LINGO1: variants seen among roughly 807,000 people sequenced by gnomAD.
LINGO1 encodes leucine-rich repeat and immunoglobulin-like domain-containing nogo receptor-interacting protein 1.
A neutral mutation model predicts 37.3 loss-of-function variants in LINGO1; 11 were observed. The ratio of observed to expected loss-of-function variants is 0.29; its 90% CI spans 0.19 to 0.49. LINGO1 has a LOEUF of 0.49. Among genes scored for constraint, LINGO1 ranks in the 20% least tolerant of loss-of-function variants. LINGO1 has a pLI of 0.99. For missense variants in LINGO1, 585 were observed against 878.2 expected, an observed-to-expected ratio of 0.67 and a Z score of 4.22; for synonymous variants, 387 against 403.0, an observed-to-expected ratio of 0.96 and a Z score of 0.48.
At chr15:77,747,732 C>G (rs1289424514) in intron 1 of LINGO1, among the ~76,000 whole-genome samples, 4 of 152,370 alleles carry the variant, frequency 2.6e-5, no homozygotes, top group African/African-American at 9.6e-5. Flanking sequence ...CAGAATCTCC[C>G]CACGGCTGTC....
chr15:77,739,984 G>A (rs569629132), intron 1 of LINGO1, among the ~76,000 whole-genome samples: 5 of 152,372 alleles, frequency 3.3e-5, no homozygotes, highest in African/African-American at 1.2e-4. Context: ...CCTGTGCCAG[G>A]CACTGAGCTG....
intron 1 of LINGO1, among the ~76,000 whole-genome samples, chr15:77,780,437 T>C (rs2076704522): frequency 6.6e-6 from 1 of 151,586 alleles, no homozygotes; most frequent in Admixed American, 6.6e-5. Flanking sequence ...AGTGCAGCCT[T>C]ATCTGGGAAG....
intron 3 of LINGO1, among the ~76,000 whole-genome samples, chr15:77,657,448 T>C (rs954021969): frequency 6.6e-6 from 1 of 152,200 alleles, no homozygotes; most frequent in Admixed American, 6.5e-5. Context: ...CTGGGTGTCC[T>C]GAATCCCCAA....
At chr15:77,722,079 C>T (rs1195621032) in intron 2 of LINGO1, among the ~76,000 whole-genome samples, 1 of 152,206 alleles carries the variant, frequency 6.6e-6, no homozygotes, top group Non-Finnish European at 1.5e-5. Context: ...GTGTAGGTGA[C>T]ACCACGGACA....
intron 1 of LINGO1, among the ~76,000 whole-genome samples, chr15:77,802,020 G>A (rs1396365193): frequency 6.6e-6 from 1 of 152,178 alleles, no homozygotes; most frequent in Non-Finnish European, 1.5e-5. Flanking sequence ...GAAAACTCCA[G>A]GAAAGGGGGC....
chr15:77,816,377 GA>G (rs1344244704), intron 1 of LINGO1, among the ~76,000 whole-genome samples: 1 of 152,188 alleles, frequency 6.6e-6, no homozygotes, highest in Non-Finnish European at 1.5e-5. Flanking sequence ...GAAGCCCACG[GA>G]AGAAACTCTG....
intron 3 of LINGO1, among the ~76,000 whole-genome samples, chr15:77,650,996 T>C (rs577335337): frequency 2.4e-4 from 37 of 152,022 alleles, no homozygotes; most frequent in Non-Finnish European, 3.5e-4. Context: ...GGATCTGGCC[T>C]CACTGGTAGG....
In LINGO1 at chr15:77,614,022, G is replaced by T. The variant is rs762110266; in HGVS notation, c.*22C>A. On this transcript the variant is annotated 3_prime_UTR_variant, in exon 2 of 2. Transcript: ENST00000355300. ...CCTTCCCCTGCCCGGCCGCCCGGGGGTCCCTGCCCCCCGCCCCGGCCTCAT... is the reference window on the plus strand; with the variant it reads ...CCTTCCCCTGCCCGGCCGCCCGGGGTTCCCTGCCCCCCGCCCCGGCCTCAT... 2 of 1,545,346 alleles carry T rather than the reference G, an allele frequency of 1.3e-6. No individual in the cohort carries two copies. The highest frequency in any genetic ancestry group is 1.2e-5 in the South Asian group (1 of 83,984).
chr15:77,696,639 C>T, upstream of LINGO1: 1 of 153,170 alleles, frequency 6.5e-6, no homozygotes, highest in East Asian at 1.9e-4. Flanking sequence ...CCACCACCTC[C>T]TCCAGGAAAC....
chr15:77,818,521 C>T (rs1374706561), intron 1 of LINGO1, among the ~76,000 whole-genome samples: 1 of 152,222 alleles, frequency 6.6e-6, no homozygotes, highest in Non-Finnish European at 1.5e-5. Context: ...GAGACGCCCC[C>T]GGCCTCTTGG....
intron 1 of LINGO1, among the ~76,000 whole-genome samples, chr15:77,775,611 G>C (rs745574333): frequency 1.3e-5 from 2 of 152,174 alleles, no homozygotes; most frequent in Non-Finnish European, 2.9e-5. Context: ...GTCGTGCACA[G>C]CAGGCGTGAC....
chr15:77,810,323 T>TACACATGCACACACAC (rs1156428823), intron 1 of LINGO1, among the ~76,000 whole-genome samples: 2 of 136,572 alleles, frequency 1.5e-5, no homozygotes, highest in South Asian at 2.2e-4. Flanking sequence ...CACACACACA[T>TACACATGCACACACAC]ACACATGCAC....
chr15:77,800,607 G>A (rs145571296), intron 1 of LINGO1, among the ~76,000 whole-genome samples: 29 of 152,200 alleles, frequency 1.9e-4, no homozygotes, highest in African/African-American at 5.5e-4. Context: ...AGATTTTTCA[G>A]CAATAAAATT....
At chr15:77,659,139 T>C (rs1449759527) in intron 3 of LINGO1, among the ~76,000 whole-genome samples, 1 of 152,120 alleles carries the variant, frequency 6.6e-6, no homozygotes, top group Non-Finnish European at 1.5e-5. Context: ...CGTAGGGCAA[T>C]GGGAGCCACT....
At chr15:77,633,426 C>G (rs1211078509), upstream of LINGO1, among the ~76,000 whole-genome samples, 1 of 152,220 alleles carries the variant, frequency 6.6e-6, no homozygotes, top group African/African-American at 2.4e-5. Flanking sequence ...GGAGGCCGAC[C>G]GGGAGCCCCC....
intron 1 of LINGO1, chr15:77,819,593 C>G (rs1341651176): frequency 6.6e-6 from 1 of 151,262 alleles, no homozygotes; most frequent in African/African-American, 2.4e-5. Context: ...CGCGCACACC[C>G]AGGCGCGCAC....
At chr15:77,633,423 G>A (rs2074328557), upstream of LINGO1, among the ~76,000 whole-genome samples, 1 of 152,206 alleles carries the variant, frequency 6.6e-6, no homozygotes, top group Non-Finnish European at 1.5e-5. Context: ...TGGGGAGGCC[G>A]ACCGGGAGCC....
At position 77,613,747 on chromosome 15, in the gene LINGO1, C is replaced by T. The variant is rs1003728946; in HGVS notation, c.*297G>A. 7.9e-6 allele frequency: 3 copies of T among 380,440 alleles called. No homozygotes were observed. The highest frequency in any genetic ancestry group is 8.2e-5 in the South Asian group (1 of 12,136). The allele number at this position is 380,440 out of a possible 1,614,324, so 23.6% of individuals were successfully genotyped here. ...TGAAACCCAAGTTACAGAGAAAGTTCGTAACTTTTTTATTGAATTATTGAC... is the reference window on the plus strand; with the variant it reads ...TGAAACCCAAGTTACAGAGAAAGTTTGTAACTTTTTTATTGAATTATTGAC... On this transcript the variant is annotated 3_prime_UTR_variant, in exon 2 of 2. Transcript: ENST00000355300.
intron 1 of LINGO1, among the ~76,000 whole-genome samples, chr15:77,761,872 C>T (rs184872568): frequency 1.4e-3 from 212 of 152,362 alleles, no homozygotes; most frequent in African/African-American, 5.0e-3. Flanking sequence ...GTCTCCATCC[C>T]TGGCATATAG....
Sources: gnomAD v4.1 joint callset for allele counts (sites outside exome capture counted in the v4.1 genomes callset) on GRCh38, gnomAD v4.1.1 for gene constraint, MANE v1.5 for transcripts, NCBI Gene and HGNC (gene_info 2026-07-23, HGNC 2026-07-21) for gene names.